Variants in VSTM2B observed in about 807,000 individuals in gnomAD.
The protein encoded by VSTM2B is V-set and transmembrane domain-containing protein 2B.
Under a neutral mutation model 24.0 loss-of-function variants are expected in VSTM2B, and 24 were observed. The observed-to-expected ratio is 1.00, with a 90% CI of 0.72 to 1.40. The LOEUF (loss-of-function observed/expected upper bound fraction) is 1.40, where lower values mean the gene tolerates loss of function less well. Ranked by LOEUF, VSTM2B falls within the 40% of genes most tolerant of loss-of-function variation. The pLI, the probability that VSTM2B is intolerant of heterozygous loss-of-function variation, is 0.00. For synonymous variants in VSTM2B, 226 were observed against 194.4 expected, an observed-to-expected ratio of 1.16 and a Z score of -1.35; for missense variants, 399 against 416.4, an observed-to-expected ratio of 0.96 and a Z score of 0.36.
At chr19:29,530,781 G>C (rs1239375966) in intron 4 of VSTM2B, among the ~76,000 whole-genome samples, 2 of 152,146 alleles carry the variant, frequency 1.3e-5, no homozygotes, top group Non-Finnish European at 2.9e-5. Flanking sequence ...TTTGTCCAAG[G>C]GTGTGGAGGG....
intron 4 of VSTM2B, among the ~76,000 whole-genome samples, chr19:29,551,918 G>A (rs1403839492): frequency 6.6e-6 from 1 of 152,326 alleles, no homozygotes; most frequent in South Asian, 2.1e-4. Flanking sequence ...TACAGGGATG[G>A]GAATGAGATC....
chr19:29,527,413 CG>C lies in VSTM2B; in HGVS notation c.267+20del. The stretch of plus-strand genomic sequence containing the variant: ...GGAGCAAGGTAACCCGCCGCCCACG[CG>C]GTACCGGCGCGCGCCCGGCTCGCGC... On this transcript the variant is annotated intron_variant, in intron 2 of 4. Transcript: ENST00000335523. 6.8e-7 allele frequency: 1 copy of C among 1,465,284 alleles called. No homozygotes were observed. 90.8% of individuals were successfully genotyped at this position (1,465,284 alleles called of 1,614,324 possible). A position where few individuals can be genotyped will look rare whatever the true frequency, so the allele number is the denominator to read the frequency against.
chr19:29,530,657 C>A (rs111439323), intron 4 of VSTM2B, among the ~76,000 whole-genome samples: 1 of 152,108 alleles, frequency 6.6e-6, no homozygotes, highest in African/African-American at 2.4e-5. Context: ...CAGCCACCAC[C>A]GGTGGTGGAA....
intron 4 of VSTM2B, among the ~76,000 whole-genome samples, chr19:29,553,156 AC>A (rs1970325409): frequency 6.7e-6 from 1 of 150,362 alleles, no homozygotes; most frequent in Non-Finnish European, 1.5e-5. Flanking sequence ...GCTGACCAAG[AC>A]CCCCCACAAC....
chr19:29,547,608 T>C (rs999016190), intron 4 of VSTM2B, among the ~76,000 whole-genome samples: 1 of 152,158 alleles, frequency 6.6e-6, no homozygotes, highest in Non-Finnish European at 1.5e-5. Flanking sequence ...GCCAGCCCTC[T>C]GACGCATGGG....
intron 4 of VSTM2B, among the ~76,000 whole-genome samples, chr19:29,556,802 A>G (rs1337983030): frequency 1.3e-5 from 2 of 152,216 alleles, no homozygotes; most frequent in Non-Finnish European, 2.9e-5. Context: ...AGGGAATCAA[A>G]TACCTAGGAA....
At chr19:29,547,505 C>G (rs920397140) in intron 4 of VSTM2B, among the ~76,000 whole-genome samples, 2 of 152,182 alleles carry the variant, frequency 1.3e-5, no homozygotes, top group Admixed American at 1.3e-4. Flanking sequence ...CTGCTCTTGA[C>G]TAGAGGTCAT....
chr19:29,526,795 G>C lies in VSTM2B; in HGVS notation c.82+130G>C, dbSNP rs1969581062. 8.2e-6 allele frequency: 7 copies of C among 853,592 alleles called. No individual in the cohort carries two copies. In the South Asian group the frequency reaches 1.3e-4, roughly 15 times the overall value. 52.9% of individuals were successfully genotyped at this position (853,592 alleles called of 1,614,324 possible). ...CCAGCAATCCCGCTGTGCAGCCTGG[G>C]CCCGGAGGGGTAGGGAGAGGCGAGC... On this transcript the variant is annotated intron_variant, in intron 1 of 4. Coordinates refer to ENST00000335523, the MANE Select transcript of VSTM2B (RefSeq NM_001146339.2). The surrounding 1 kb of genome is among the most constrained non-coding windows in gnomAD (Gnocchi z 4.1).
At position 29,541,674 on chromosome 19, in the gene VSTM2B, G is replaced by A. The variant is rs113779295; in HGVS notation, c.769+11384G>A. On this transcript the variant is annotated intron_variant, in intron 4 of 4. Coordinates refer to ENST00000335523, the MANE Select transcript of VSTM2B (RefSeq NM_001146339.2). ...GGGTACATAGAAGGGAGAATAAATG[G>A]GTGGGTAGAAGGATGATAAGTTGAT... Among the ~76,000 whole-genome samples, 10 of 151,806 alleles carry A rather than the reference G, an allele frequency of 6.6e-5. 1 individual carries two copies. The highest frequency in any genetic ancestry group is 2.4e-4 in the African/African-American group (10 of 41,338).
At chr19:29,552,327 A>T (rs899560952) in intron 4 of VSTM2B, among the ~76,000 whole-genome samples, 2 of 152,232 alleles carry the variant, frequency 1.3e-5, no homozygotes, top group Non-Finnish European at 2.9e-5. Flanking sequence ...AGATCCAGGG[A>T]TGTCTCAAAA....
intron 4 of VSTM2B, among the ~76,000 whole-genome samples, chr19:29,530,711 G>A (rs948843878): frequency 6.6e-6 from 1 of 152,300 alleles, no homozygotes; most frequent in East Asian, 1.9e-4. Flanking sequence ...GCTGGAGAGC[G>A]GGAGGCGGTT....
intron 2 of VSTM2B, 67 bp downstream of exon 2, chr19:29,527,462 A>AAGGCTAACCCG (rs1969611435): frequency 1.0e-5 from 14 of 1,356,038 alleles, no homozygotes; most frequent in African/African-American, 1.5e-5. Flanking sequence ...AGGCTAACCC[A>AAGGCTAACCCG]GGGAGGGAAG....
intron 4 of VSTM2B, among the ~76,000 whole-genome samples, chr19:29,561,174 T>C (rs1220477815): frequency 1.3e-5 from 2 of 151,860 alleles, no homozygotes; most frequent in Admixed American, 1.3e-4. Context: ...TAGCCAAGCA[T>C]GGTGGCAAGC....
chr19:29,550,551 T>C (rs1488984605), intron 4 of VSTM2B, among the ~76,000 whole-genome samples: 2 of 152,132 alleles, frequency 1.3e-5, no homozygotes, highest in African/African-American at 2.4e-5. Context: ...GTTGTCCTCA[T>C]GGTAGAATAT....
At chr19:29,562,721 C>T (rs1048616626) in intron 4 of VSTM2B, among the ~76,000 whole-genome samples, 1 of 152,230 alleles carries the variant, frequency 6.6e-6, no homozygotes, top group Non-Finnish European at 1.5e-5. Flanking sequence ...TCCCACTTTC[C>T]AGGTGAGAAG....
chr19:29,539,528 T>C (rs1410580822), intron 4 of VSTM2B, among the ~76,000 whole-genome samples: 1 of 151,904 alleles, frequency 6.6e-6, no homozygotes, highest in Non-Finnish European at 1.5e-5. Flanking sequence ...TTTACAGAGA[T>C]AGAGTGAGAG....
chr19:29,548,345 C>T (rs188229551), intron 4 of VSTM2B, among the ~76,000 whole-genome samples: 7 of 152,254 alleles, frequency 4.6e-5, no homozygotes, highest in Non-Finnish European at 1.0e-4. Context: ...CGTCTGCTCT[C>T]AAAGGTCCGC....
chr19:29,555,753 A>G (rs1445756909), intron 4 of VSTM2B, among the ~76,000 whole-genome samples: 1 of 152,176 alleles, frequency 6.6e-6, no homozygotes, highest in Non-Finnish European at 1.5e-5. Context: ...AGAAATACAA[A>G]CAACCATCAG....
intron 4 of VSTM2B, among the ~76,000 whole-genome samples, chr19:29,551,643 A>G (rs1599900211): frequency 6.6e-6 from 1 of 152,202 alleles, no homozygotes; most frequent in African/African-American, 2.4e-5. Context: ...CAAAATGATG[A>G]TACTTGCTTA....
Sources: gnomAD v4.1 joint callset for allele counts (sites outside exome capture counted in the v4.1 genomes callset) on GRCh38, gnomAD v4.1.1 for gene constraint, Gnocchi (gnomAD v3.1) non-coding constraint, MANE v1.5 for transcripts, NCBI Gene and HGNC (gene_info 2026-07-23, HGNC 2026-07-21) for gene names.